The following ACSL5 variants were observed in gnomAD, a reference collection of about 807,000 sequenced individuals.
The protein encoded by ACSL5 is long-chain-fatty-acid--CoA ligase 5.
A neutral mutation model predicts 84.9 loss-of-function variants in ACSL5; 50 were observed. The ratio of observed to expected loss-of-function variants is 0.59; its 90% CI spans 0.47 to 0.75. The LOEUF is 0.75. Among genes scored for constraint, ACSL5 ranks in the 30% least tolerant of loss-of-function variants. ACSL5 has a pLI of 0.00. For synonymous variants in ACSL5, 280 were observed against 300.7 expected (o/e 0.93, Z 0.71); for missense variants, 775 against 830.4 (o/e 0.93, Z 0.82).
chr10:112,409,628 C>T lies in ACSL5; in HGVS notation c.654C>T (p.Asp218=). Residue 218 remains aspartate, a synonymous_variant, in exon 7 of 21, where the codon GAC becomes GAT. Transcript: ENST00000354655. ...TCCTTATGGACCCCTTTGATGATGACCTGAAGCAAAGAGGGGAGAAGAGTG... is the reference window on the plus strand; with the variant it reads ...TCCTTATGGACCCCTTTGATGATGATCTGAAGCAAAGAGGGGAGAAGAGTG... ...VIILMDPFDD[D]LKQRGEKSGI... is the part of the protein sequence containing the mutation. 1.2e-6 allele frequency: 2 copies of T among 1,614,112 alleles called. No individual in the cohort carries two copies. Among genetic ancestry groups the T allele is most frequent in the Non-Finnish European group, 1.7e-6 (2 of 1,180,006 alleles).
Position 112,427,453 on chromosome 10 carries a change from T to A in ACSL5, c.*95T>A, listed in dbSNP as rs77356064. The A allele has an allele frequency of 1.9e-6, 2 of 1,040,388 alleles. No homozygotes were observed. Among genetic ancestry groups the A allele is most frequent in the Non-Finnish European group, 2.6e-6 (2 of 763,772 alleles). 64.4% of individuals were successfully genotyped at this position (1,040,388 alleles called of 1,614,324 possible). ...TACATTTGTTTTGCCTTTCCTCCTATTTTTTTTTAACCTGTTAAACTCTAA... is the reference window on the plus strand; with the variant it reads ...TACATTTGTTTTGCCTTTCCTCCTAATTTTTTTTAACCTGTTAAACTCTAA... On this transcript the variant is annotated 3_prime_UTR_variant, in exon 21 of 21. Transcript: ENST00000354655.
chr10:112,399,695 T>C lies in ACSL5; in HGVS notation c.265+686T>C, dbSNP rs183331907. Among the ~76,000 whole-genome samples, 453 of 152,384 alleles carry C rather than the reference T, an allele frequency of 3.0e-3. 1 individual carries two copies. Among genetic ancestry groups the C allele is most frequent in the Non-Finnish European group, 5.1e-3 (347 of 68,028 alleles). On this transcript the variant is annotated intron_variant, in intron 3 of 20. Transcript: ENST00000354655. ...GGTCTTTTGGGTGACATTCTGGCCG[T>C]GTAACTTTTATCCGTCCCTTGACTT...
chr10:112,401,427 G>A (rs1360320244), intron 3 of ACSL5, among the ~76,000 whole-genome samples: 1 of 152,210 alleles, frequency 6.6e-6, no homozygotes, highest in Non-Finnish European at 1.5e-5. Context: ...AACACTTCCA[G>A]GGGATTCTGT....
intron 10 of ACSL5, 138 bp from the exon 11 acceptor site, chr10:112,411,764 C>T: frequency 1.2e-6 from 1 of 851,038 alleles, no homozygotes; most frequent in Non-Finnish European, 1.9e-6. Context: ...CAGTTCAAGG[C>T]ATCTCAGATC....
rs2133624513 is a variant in ACSL5 at position 112,408,530 on chromosome 10, T to C, written c.532+9T>C. ...ACATATTGTCAACAAGGGTAAAATT[T>C]TGCTGTTACATTACAACTTGATTCT... On this transcript the variant is annotated intron_variant, in intron 6 of 20. Transcript: ENST00000354655. 1 of 1,565,146 alleles carries C rather than the reference T, an allele frequency of 6.4e-7. No individual in the cohort carries two copies. The highest frequency in any genetic ancestry group is 8.8e-7 in the Non-Finnish European group (1 of 1,135,768).
intron 3 of ACSL5, 35 bp from the exon 4 acceptor site, chr10:112,404,476 C>T: frequency 6.4e-7 from 1 of 1,551,412 alleles, no homozygotes; most frequent in Non-Finnish European, 8.9e-7. Context: ...GAATTTGCAA[C>T]TGGAGTTGAT....
In ACSL5 at chr10:112,395,118, T is replaced by C. The variant is rs868849549; in HGVS notation, c.156+16T>C. On this transcript the variant is annotated intron_variant, in intron 2 of 20. Transcript: ENST00000354655. ...GGGAATTGAGGTAATTTACCAGTCA[T>C]CCTTTTAGTTTGTCAACCTTCCTCA... 1 of 1,607,104 alleles carries C rather than the reference T, an allele frequency of 6.2e-7. No individual in the cohort carries two copies. Among genetic ancestry groups the C allele is most frequent in the South Asian group, 1.1e-5 (1 of 90,826 alleles).
At chr10:112,406,542 C>A (rs1298647812) in intron 5 of ACSL5, 1 of 152,214 alleles carries the variant, frequency 6.6e-6, no homozygotes, top group Non-Finnish European at 1.5e-5. Context: ...TAAGGCCCAT[C>A]ACTAGCAGAT....
At chr10:112,381,830 G>T (rs1228192620) in intron 1 of ACSL5, among the ~76,000 whole-genome samples, 4 of 152,082 alleles carry the variant, frequency 2.6e-5, no homozygotes, top group African/African-American at 9.7e-5. Flanking sequence ...AGCTGGGCGT[G>T]GTGGCACGTG....
intron 1 of ACSL5, 136 bp from the exon 2 acceptor site, chr10:112,394,780 CTG>C: frequency 6.7e-7 from 1 of 1,486,436 alleles, no homozygotes. Flanking sequence ...AGAGGTACAA[CTG>C]TGTTTGAGGG....
intron 17 of ACSL5, among the ~76,000 whole-genome samples, chr10:112,423,470 TGCTGGTATAA>T (rs1844557492): frequency 6.6e-6 from 1 of 151,438 alleles, no homozygotes; most frequent in Non-Finnish European, 1.5e-5. Flanking sequence ...GTTCTGGGAT[TGCTGGTATAA>T]GCTACCACAC....
intron 10 of ACSL5, 45 bp downstream of exon 10, chr10:112,411,574 T>C: frequency 6.4e-7 from 1 of 1,554,792 alleles, no homozygotes. Context: ...AATGTGAATC[T>C]GTCATAAGAT....
Position 112,415,705 on chromosome 10 carries a change from C to A in ACSL5, c.1084-1183C>A, listed in dbSNP as rs1589694535. Among the ~76,000 whole-genome samples the A allele has an allele frequency of 2.0e-5, 3 of 152,310 alleles. No individual in the cohort carries two copies. The South Asian group carries it at 6.2e-4, about 32-fold the overall frequency. On this transcript the variant is annotated intron_variant, in intron 12 of 20. Transcript: ENST00000354655. Reference sequence around the variant, plus strand: ...TTACATTAGAAGATGAAAATTATCACCCCTGCTTGGCTGGAGGCCCAAAAA... The same window carrying A: ...TTACATTAGAAGATGAAAATTATCAACCCTGCTTGGCTGGAGGCCCAAAAA...
chr10:112,426,297 C>G lies in ACSL5; in HGVS notation c.1777C>G (p.Leu593Val). The change falls in exon 19 of 21, where the codon CTT becomes GTT. Residue 593 changes from leucine (L) to valine (V), a missense_variant. Coordinates refer to ENST00000354655, the MANE Select transcript of ACSL5 (RefSeq NM_203379.2). ...VGVVVPDTDV[L>V]PSFAAKLGVK... ...AGTGGTGGTTCCTGACACAGATGTA[C>G]TTCCCTCATTTGCAGCCAAGCTTGG... 7 of 1,614,120 alleles carry G rather than the reference C, an allele frequency of 4.3e-6. No homozygotes were observed. Among genetic ancestry groups the G allele is most frequent in the Non-Finnish European group, 5.9e-6 (7 of 1,180,014 alleles).
chr10:112,411,625 C>CAA, intron 10 of ACSL5, 96 bp downstream of exon 10: 2 of 795,112 alleles, frequency 2.5e-6, no homozygotes, highest in Non-Finnish European at 1.9e-6. Flanking sequence ...CACACACACA[C>CAA]ATACACACAC....
Position 112,395,343 on chromosome 10 carries a change from A to G in ACSL5, c.156+241A>G, listed in dbSNP as rs1259169194. Among the ~76,000 whole-genome samples, 19 of 152,250 alleles carry G rather than the reference A, an allele frequency of 1.2e-4. 1 individual carries two copies. Among genetic ancestry groups the G allele is most frequent in the Admixed American group, 1.2e-3 (19 of 15,284 alleles). On this transcript the variant is annotated intron_variant, in intron 2 of 20. Coordinates refer to ENST00000354655, the MANE Select transcript of ACSL5 (RefSeq NM_203379.2). The stretch of plus-strand genomic sequence containing the variant: ...GGAGTTGGCAAACATAGCCATGAAC[A>G]AAATCCATCTTTTTTTGTGCATCTG...
chr10:112,411,296 A>G lies in ACSL5; in HGVS notation c.797-160A>G. The G allele has an allele frequency of 4.9e-6, 3 of 617,414 alleles. No homozygotes were observed. In the South Asian group the frequency reaches 6.0e-5, roughly 12 times the overall value. 38.2% of individuals were successfully genotyped at this position (617,414 alleles called of 1,614,324 possible). On this transcript the variant is annotated intron_variant, in intron 9 of 20. Transcript: ENST00000354655. ...AGTAGAATCTCCGGGGGCATTAATT[A>G]TTCCTAAACAGAGGCATATACCATC...
At chr10:112,423,842 G>C (rs1844572587) in intron 17 of ACSL5, among the ~76,000 whole-genome samples, 1 of 151,906 alleles carries the variant, frequency 6.6e-6, no homozygotes, top group Non-Finnish European at 1.5e-5. Context: ...GTTGTGGTTT[G>C]AAGCCAAGTG....
rs144968365 is a variant in ACSL5, at chr10:112,427,317, C to A, written c.2011C>A (p.Arg671=). The change falls in exon 21 of 21, where the codon CGG becomes AGG. Residue 671 remains arginine (R), a synonymous_variant. Transcript: ENST00000354655. ...AKRGELSKYF[R]TQIDSLYEHI... ...GCGAGGAGAGCTTTCCAAATACTTT[C>A]GGACCCAAATTGACAGCCTGTATGA... 2.5e-6 allele frequency: 4 copies of A among 1,613,622 alleles called. No homozygotes were observed. In the African/African-American group the frequency reaches 4.0e-5, roughly 16 times the overall value.
Sources: allele counts gnomAD v4.1 joint callset (sites outside exome capture counted in the v4.1 genomes callset), GRCh38; gene constraint gnomAD v4.1.1; transcripts MANE v1.5; gene names NCBI Gene and HGNC (gene_info 2026-07-23, HGNC 2026-07-21).